The following LRRC4C variants were observed in gnomAD, a reference collection of about 807,000 sequenced individuals.
LRRC4C encodes the protein leucine rich repeat containing 4C.
LRRC4C carries 5 observed loss-of-function variants against 33.6 expected under a neutral mutation model. That is an observed-to-expected ratio of 0.15 (90% CI 0.08 to 0.31). The LOEUF is 0.31. Ranked by LOEUF, LRRC4C falls within the 10% of genes least tolerant of loss-of-function variation. The pLI, the probability that LRRC4C is intolerant of heterozygous loss-of-function variation, is 1.00. For missense variants in LRRC4C, 560 were observed against 796.7 expected (o/e 0.70, Z 3.58); for synonymous variants, 329 against 302.0 (o/e 1.09, Z -0.93).
chr11:40,717,246 T>G (rs1162879947), intron 2 of LRRC4C, among the ~76,000 whole-genome samples: 1 of 150,786 alleles, frequency 6.6e-6, no homozygotes, highest in Non-Finnish European at 1.5e-5. Flanking sequence ...TGCTTCGGGA[T>G]TTTTAAGTTT....
chr11:40,176,960 G>A (rs1813515860), intron 5 of LRRC4C, among the ~76,000 whole-genome samples: 1 of 116,984 alleles, frequency 8.5e-6, no homozygotes, highest in Admixed American at 9.6e-5. Flanking sequence ...TTGAGATGGA[G>A]TCTCGCTCTG....
intron 2 of LRRC4C, among the ~76,000 whole-genome samples, chr11:40,917,318 A>G (rs747829949): frequency 1.8e-4 from 28 of 152,134 alleles, no homozygotes; most frequent in Non-Finnish European, 2.5e-4. Flanking sequence ...ACTTCTTAGA[A>G]GAAGGTTAAT....
intron 2 of LRRC4C, among the ~76,000 whole-genome samples, chr11:40,678,520 T>G (rs1271036162): frequency 6.6e-6 from 1 of 152,148 alleles, no homozygotes; most frequent in Non-Finnish European, 1.5e-5. Flanking sequence ...CACCCAAATC[T>G]CATCTTGAAT....
chr11:40,994,637 T>C (rs1487493955), intron 1 of LRRC4C, among the ~76,000 whole-genome samples: 1 of 152,132 alleles, frequency 6.6e-6, no homozygotes, highest in Non-Finnish European at 1.5e-5. Flanking sequence ...CTCTAAATTC[T>C]CATCCCAGAG....
intron 3 of LRRC4C, among the ~76,000 whole-genome samples, chr11:40,590,606 G>T (rs1958997018): frequency 6.6e-6 from 1 of 152,010 alleles, no homozygotes; most frequent in Non-Finnish European, 1.5e-5. Flanking sequence ...CATCTTTGTG[G>T]TTTTATCTAC....
chr11:40,824,308 G>T (rs549448360), intron 2 of LRRC4C, among the ~76,000 whole-genome samples: 5 of 151,698 alleles, frequency 3.3e-5, no homozygotes, highest in Non-Finnish European at 7.4e-5. Context: ...CACTAAAGCT[G>T]TTAAGATGTA....
intron 2 of LRRC4C, among the ~76,000 whole-genome samples, chr11:40,858,356 TCTA>T (rs1471067936): frequency 3.3e-5 from 5 of 152,084 alleles, no homozygotes; most frequent in Admixed American, 3.3e-4. Context: ...TTTGACTAAA[TCTA>T]CTTACATAAG....
intron 5 of LRRC4C, among the ~76,000 whole-genome samples, chr11:40,161,679 C>T (rs982874224): frequency 1.9e-4 from 29 of 151,974 alleles, no homozygotes; most frequent in African/African-American, 7.0e-4. Context: ...TGCTTGAACC[C>T]GGGAGGTGGA....
chr11:40,190,683 G>T (rs1018879386), intron 5 of LRRC4C, among the ~76,000 whole-genome samples: 2 of 152,074 alleles, frequency 1.3e-5, no homozygotes, highest in African/African-American at 4.8e-5. Context: ...TTTTAATGAA[G>T]TCATTAAAAC....
At chr11:40,886,214 A>C (rs972739056) in intron 2 of LRRC4C, among the ~76,000 whole-genome samples, 1 of 152,018 alleles carries the variant, frequency 6.6e-6, no homozygotes, top group Non-Finnish European at 1.5e-5. Flanking sequence ...TGGAATCCTA[A>C]ATTACTGCCA....
intron 2 of LRRC4C, among the ~76,000 whole-genome samples, chr11:40,709,460 A>T (rs898752739): frequency 4.6e-5 from 7 of 152,124 alleles, no homozygotes; most frequent in Non-Finnish European, 1.0e-4. Context: ...TCCTTCACTT[A>T]TGAAGCTTAG....
chr11:40,557,629 C>T (rs922463946), intron 3 of LRRC4C, among the ~76,000 whole-genome samples: 4 of 151,986 alleles, frequency 2.6e-5, no homozygotes, highest in African/African-American at 9.7e-5. Context: ...TGTCTATTCT[C>T]AAGATGAGGA....
At chr11:41,428,398 A>G (rs1955116902) in intron 1 of LRRC4C, among the ~76,000 whole-genome samples, 1 of 152,154 alleles carries the variant, frequency 6.6e-6, no homozygotes, top group Non-Finnish European at 1.5e-5. Flanking sequence ...TACTGCATTT[A>G]AGTATGTTCA....
At chr11:40,225,199 T>A (rs922124121) in intron 5 of LRRC4C, among the ~76,000 whole-genome samples, 2 of 152,224 alleles carry the variant, frequency 1.3e-5, no homozygotes, top group African/African-American at 2.4e-5. Context: ...CTAAAACTTT[T>A]GTCGTGAATT....
chr11:40,255,229 G>A (rs1360276327), intron 4 of LRRC4C, among the ~76,000 whole-genome samples: 1 of 152,038 alleles, frequency 6.6e-6, no homozygotes, highest in Non-Finnish European at 1.5e-5. Flanking sequence ...TCCCGGACAA[G>A]GTGACACCTG....
intron 3 of LRRC4C, among the ~76,000 whole-genome samples, chr11:40,489,977 T>C (rs1954063632): frequency 6.6e-6 from 1 of 152,086 alleles, no homozygotes; most frequent in South Asian, 2.1e-4. Flanking sequence ...GCCTTCAAGT[T>C]CATAGTCTAG....
At chr11:40,972,066 C>A (rs1327903458) in intron 1 of LRRC4C, among the ~76,000 whole-genome samples, 4 of 151,484 alleles carry the variant, frequency 2.6e-5, no homozygotes, top group African/African-American at 9.7e-5. Flanking sequence ...TTAAATGAGA[C>A]TTTGGACTAT....
chr11:40,484,742 A>G (rs1018857531), intron 3 of LRRC4C, among the ~76,000 whole-genome samples: 2 of 152,116 alleles, frequency 1.3e-5, no homozygotes, highest in African/African-American at 4.8e-5. Flanking sequence ...GGAAAAAAAG[A>G]ATTATTCCAA....
intron 5 of LRRC4C, among the ~76,000 whole-genome samples, chr11:40,161,834 C>T (rs576344947): frequency 6.8e-4 from 103 of 152,124 alleles, no homozygotes; most frequent in Non-Finnish European, 1.4e-3. Flanking sequence ...CTGTGCTGAA[C>T]AATTTACAGA....
Sources: allele counts gnomAD v4.1 joint callset (sites outside exome capture counted in the v4.1 genomes callset), GRCh38; gene constraint gnomAD v4.1.1; transcripts MANE v1.5; gene names NCBI Gene and HGNC (gene_info 2026-07-23, HGNC 2026-07-21).